Variants in PNPLA8 observed in about 807,000 individuals in gnomAD.
PNPLA8 encodes patatin like domain 8, phospholipase A2.
Under a neutral mutation model 76.9 loss-of-function variants are expected in PNPLA8, and 39 were observed. The observed-to-expected ratio is 0.51, with a 90% CI of 0.39 to 0.66. The LOEUF is 0.66. Among genes scored for constraint, PNPLA8 ranks in the 30% least tolerant of loss-of-function variants. The pLI is 0.00. For synonymous variants in PNPLA8, 301 were observed against 307.9 expected (o/e 0.98, Z 0.24); for missense variants, 887 against 918.0 (o/e 0.97, Z 0.44).
intron 9 of PNPLA8, among the ~76,000 whole-genome samples, chr7:108,485,287 C>A (rs1425342490): frequency 6.6e-6 from 1 of 152,140 alleles, no homozygotes; most frequent in African/African-American, 2.4e-5. Flanking sequence ...AGATTGGGAG[C>A]TACTCACAAA....
intron 7 of PNPLA8, among the ~76,000 whole-genome samples, chr7:108,495,717 A>G (rs909285942): frequency 6.6e-6 from 1 of 152,190 alleles, no homozygotes; most frequent in South Asian, 2.1e-4. Context: ...TCATAATCCC[A>G]AAAAATTAGG....
intron 10 of PNPLA8, among the ~76,000 whole-genome samples, chr7:108,473,448 T>G (rs1347091709): frequency 6.6e-6 from 1 of 152,162 alleles, no homozygotes; most frequent in Non-Finnish European, 1.5e-5. Flanking sequence ...AAATTGCTGG[T>G]TCATATGGTA....
intron 4 of PNPLA8, among the ~76,000 whole-genome samples, chr7:108,511,233 C>T (rs1488968477): frequency 1.3e-5 from 2 of 152,124 alleles, no homozygotes; most frequent in African/African-American, 4.8e-5. Flanking sequence ...ATTGGTCATT[C>T]TGCAACTCTA....
intron 9 of PNPLA8, among the ~76,000 whole-genome samples, chr7:108,485,155 T>C (rs1860658984): frequency 6.6e-6 from 1 of 152,132 alleles, no homozygotes; most frequent in Non-Finnish European, 1.5e-5. Context: ...AGATTCTTTC[T>C]CCAAAGACAG....
intron 9 of PNPLA8, among the ~76,000 whole-genome samples, chr7:108,486,764 G>A (rs1372524487): frequency 6.6e-6 from 1 of 152,068 alleles, no homozygotes; most frequent in East Asian, 1.9e-4. Flanking sequence ...TTATATTGCT[G>A]ACATGTTGTT....
chr7:108,502,011 G>A (rs1273158695), intron 5 of PNPLA8, among the ~76,000 whole-genome samples: 3 of 151,346 alleles, frequency 2.0e-5, no homozygotes, highest in Admixed American at 2.0e-4. Flanking sequence ...AAGAACTGAA[G>A]TATATGTCAG....
chr7:108,476,462 G>C (rs1418794612), intron 10 of PNPLA8, among the ~76,000 whole-genome samples: 1 of 152,156 alleles, frequency 6.6e-6, no homozygotes, highest in African/African-American at 2.4e-5. Context: ...TGTTAGGATG[G>C]CTGTTATAAA....
intron 1 of PNPLA8, among the ~76,000 whole-genome samples, chr7:108,525,334 A>C (rs938824645): frequency 3.9e-5 from 6 of 152,204 alleles, no homozygotes; most frequent in African/African-American, 1.4e-4. Flanking sequence ...ACTGTTTTGG[A>C]ATTGAAAACA....
intron 7 of PNPLA8, among the ~76,000 whole-genome samples, chr7:108,491,673 C>T (rs1563948615): frequency 1.3e-5 from 2 of 152,286 alleles, no homozygotes; most frequent in South Asian, 4.1e-4. Flanking sequence ...CTGATTCAAA[C>T]TGCAAGTATC....
intron 4 of PNPLA8, among the ~76,000 whole-genome samples, chr7:108,506,364 C>T (rs985540500): frequency 1.3e-5 from 2 of 151,284 alleles, no homozygotes; most frequent in Non-Finnish European, 1.5e-5. Context: ...GACAACAGAG[C>T]GACACTCAGT....
intron 1 of PNPLA8, among the ~76,000 whole-genome samples, chr7:108,522,534 A>T (rs760232466): frequency 2.0e-5 from 3 of 152,136 alleles, no homozygotes; most frequent in Non-Finnish European, 4.4e-5. Flanking sequence ...AACCAATGTG[A>T]CTGATTGATG....
chr7:108,514,578 T>G lies in PNPLA8; in HGVS notation c.914A>C (p.Tyr305Ser), dbSNP rs759874186. The G allele has an allele frequency of 6.2e-7, 1 of 1,614,112 alleles. No individual in the cohort carries two copies. Among genetic ancestry groups the G allele is most frequent in the Non-Finnish European group, 8.5e-7 (1 of 1,179,968 alleles). ...TEGVQALVGG[Y>S]IGGLVPKLKY... ...TAATTTGGGGACAAGTCCACCAATA[T>G]AACCACCTACTAAAGCTTGTACACC... Residue 305 changes from tyrosine (Y) to serine (S), a missense_variant, in exon 3 of 11, where the codon TAT becomes TCT. Tyr to Ser is a moderately radical substitution (Grantham distance 144, BLOSUM62 -2). Coordinates refer to ENST00000257694, the MANE Select transcript of PNPLA8 (RefSeq NM_001256007.3).
chr7:108,474,800 T>C (rs930879531), intron 10 of PNPLA8, among the ~76,000 whole-genome samples: 5 of 152,252 alleles, frequency 3.3e-5, no homozygotes, highest in East Asian at 1.9e-4. Context: ...TGTCTATCTT[T>C]ATTCAAACAC....
At chr7:108,479,992 A>G (rs1027291814) in intron 9 of PNPLA8, among the ~76,000 whole-genome samples, 3 of 152,236 alleles carry the variant, frequency 2.0e-5, no homozygotes, top group Non-Finnish European at 4.4e-5. Flanking sequence ...AGTAGATAAA[A>G]TTATGGTCAA....
At position 108,515,565 on chromosome 7, in the gene PNPLA8, A is replaced by G; in HGVS notation, c.-74T>C. The G allele has an allele frequency of 7.7e-7, 1 of 1,294,850 alleles. No individual in the cohort carries two copies. The highest frequency in any genetic ancestry group is 2.8e-5 in the East Asian group (1 of 35,768). The allele number at this position is 1,294,850 out of a possible 1,614,324, so 80.2% of individuals were successfully genotyped here. A position where few individuals can be genotyped will look rare whatever the true frequency, so the allele number is the denominator to read the frequency against. On this transcript the variant is annotated 5_prime_UTR_variant, in exon 3 of 11. It removes an upstream start codon present in the reference 5' UTR. Coordinates refer to ENST00000257694, the MANE Select transcript of PNPLA8 (RefSeq NM_001256007.3). ...CTTCATTTAAGAAATGCCATAATTC[A>G]TGGTCTTACCTGAAATGGCAAGAAA...
chr7:108,473,942 C>T (rs958038109), intron 10 of PNPLA8, among the ~76,000 whole-genome samples: 5 of 152,014 alleles, frequency 3.3e-5, no homozygotes, highest in Admixed American at 6.6e-5. Context: ...TGGGCTCAAC[C>T]GATCCACCCA....
In PNPLA8 at chr7:108,514,516, C is replaced by A; in HGVS notation, c.976G>T (p.Glu326Ter). 2 of 1,613,606 alleles carry A rather than the reference C, an allele frequency of 1.2e-6. No individual in the cohort carries two copies. Reference sequence around the variant, plus strand: ...ACAGCCTGATCAGTTTTAGCAGGCTCTTCCTGTTCTTCTGACTGACTCTTT... The same window carrying A: ...ACAGCCTGATCAGTTTTAGCAGGCTATTCCTGTTCTTCTGACTGACTCTTT... ...DSKSQSEEQE[E>*]PAKTDQAVSK... The change falls in exon 3 of 11, where the codon GAG becomes TAG. Residue 326 changes from glutamate to a stop codon, truncating the protein, a stop_gained. Transcript: ENST00000257694. LOFTEE classifies it high-confidence loss of function.
Position 108,487,816 on chromosome 7 carries a change from G to A in PNPLA8, c.1821C>T (p.Ala607=). The change falls in exon 9 of 11, where the codon GCC becomes GCT. Residue 607 remains alanine, a synonymous_variant. Coordinates refer to ENST00000257694, the MANE Select transcript of PNPLA8 (RefSeq NM_001256007.3). ...CAAAGTAGCCTGGAGCAGCAGATGA[G>A]GCTCTAATGGCCTGCCACATTTTAT... ...CQYKMWQAIR[A]SSAAPGYFAE... 1 of 1,613,402 alleles carries A rather than the reference G, an allele frequency of 6.2e-7. No homozygotes were observed. Among genetic ancestry groups the A allele is most frequent in the Non-Finnish European group, 8.5e-7 (1 of 1,179,510 alleles).
intron 10 of PNPLA8, among the ~76,000 whole-genome samples, chr7:108,475,725 T>C (rs879552615): frequency 2.0e-5 from 3 of 152,142 alleles, no homozygotes; most frequent in African/African-American, 4.8e-5. Context: ...TCTGGTGCTA[T>C]AGAATAGAAA....
Sources: gnomAD v4.1 joint callset for allele counts (sites outside exome capture counted in the v4.1 genomes callset) on GRCh38, gnomAD v4.1.1 for gene constraint, MANE v1.5 for transcripts, NCBI Gene and HGNC (gene_info 2026-07-23, HGNC 2026-07-21) for gene names.